The following MUC7 variants were observed in gnomAD, a reference collection of about 807,000 sequenced individuals.
MUC7 encodes mucin 7, secreted.
Under a neutral mutation model 2.5 loss-of-function variants are expected in MUC7, and 2 were observed. The ratio of observed to expected loss-of-function variants is 0.81; its 90% CI spans 0.33 to 2.55. MUC7 has a LOEUF of 2.55. Among genes scored for constraint, MUC7 ranks in the 30% most tolerant of loss-of-function variants. The pLI, the probability that MUC7 is intolerant of heterozygous loss-of-function variation, is 0.11. For synonymous variants in MUC7, 133 were observed against 173.4 expected (o/e 0.77, Z 1.83); for missense variants, 408 against 455.6 (o/e 0.90, Z 0.95).
At chr4:70,433,914 A>C (rs953369109) in intron 1 of MUC7, among the ~76,000 whole-genome samples, 2 of 152,202 alleles carry the variant, frequency 1.3e-5, no homozygotes, top group Non-Finnish European at 2.9e-5. Context: ...TACCTAGTTT[A>C]CTGAGAGTTT....
intron 2 of MUC7, among the ~76,000 whole-genome samples, chr4:70,480,465 C>T (rs898812733): frequency 6.6e-6 from 1 of 152,126 alleles, no homozygotes; most frequent in Non-Finnish European, 1.5e-5. Context: ...GTGATGGGAC[C>T]TCAGGCAGTA....
intron 2 of MUC7, among the ~76,000 whole-genome samples, chr4:70,475,033 C>A (rs558467007): frequency 1.3e-5 from 2 of 152,238 alleles, no homozygotes; most frequent in East Asian, 1.9e-4. Context: ...AGTCCCAGCA[C>A]TTTCGGAGGC....
chr4:70,482,032 A>T lies in MUC7; in HGVS notation c.*154A>T. 1.0e-6 allele frequency: 1 copy of T among 966,968 alleles called. No individual in the cohort carries two copies. The highest frequency in any genetic ancestry group is 1.5e-6 in the Non-Finnish European group (1 of 672,196). The allele number at this position is 966,968 out of a possible 1,614,324, so 59.9% of individuals were successfully genotyped here. On this transcript the variant is annotated 3_prime_UTR_variant, in exon 3 of 3. Transcript: ENST00000304887. ...TCTTTCAATCTAATTATTCACCACC[A>T]CAAGACCTATTAACAAGACAAAATG...
At chr4:70,477,934 C>T (rs977639302) in intron 2 of MUC7, among the ~76,000 whole-genome samples, 4 of 152,230 alleles carry the variant, frequency 2.6e-5, no homozygotes, top group African/African-American at 9.6e-5. Flanking sequence ...TAAGGACCTC[C>T]ATACTTCAGT....
chr4:70,475,293 GAA>G (rs1734964511), intron 2 of MUC7, among the ~76,000 whole-genome samples: 1 of 151,942 alleles, frequency 6.6e-6, no homozygotes, highest in African/African-American at 2.4e-5. Context: ...GAAAAAAAAA[GAA>G]AGAAATGAAC....
intron 2 of MUC7, among the ~76,000 whole-genome samples, chr4:70,478,169 A>G (rs920190350): frequency 6.6e-6 from 1 of 152,220 alleles, no homozygotes; most frequent in African/African-American, 2.4e-5. Context: ...CCTTCATATA[A>G]AAATGTGGTA....
chr4:70,476,961 T>C (rs1177930585), intron 2 of MUC7, among the ~76,000 whole-genome samples: 2 of 152,182 alleles, frequency 1.3e-5, no homozygotes, highest in Non-Finnish European at 2.9e-5. Flanking sequence ...CTTGAAGGGA[T>C]GTATTCTGGA....
At position 70,480,929 on chromosome 4, in the gene MUC7, C is replaced by T. The variant is rs780020009; in HGVS notation, c.185C>T (p.Ser62Phe). ...CACCAGAAGCCGTTCATTAGAAAGTCCTATAAATGTCTGCACAAACGCTGT... is the reference window on the plus strand; with the variant it reads ...CACCAGAAGCCGTTCATTAGAAAGTTCTATAAATGTCTGCACAAACGCTGT... Reference protein sequence around the residue: ...LAHQKPFIRKSYKCLHKRCRP... With the variant: ...LAHQKPFIRKFYKCLHKRCRP... Residue 62 changes from serine to phenylalanine, a missense_variant, in exon 3 of 3, where the codon TCC becomes TTC. This residue lies in a region of MUC7 where 225 missense variants were observed against 240.5 expected (regional missense o/e 0.94). Transcript: ENST00000304887. 4 of 1,614,116 alleles carry T rather than the reference C, an allele frequency of 2.5e-6. No homozygotes were observed. The highest frequency in any genetic ancestry group is 3.4e-6 in the Non-Finnish European group (4 of 1,180,022).
upstream of MUC7, among the ~76,000 whole-genome samples, chr4:70,470,548 G>T (rs181976603): frequency 6.6e-6 from 1 of 151,982 alleles, no homozygotes; most frequent in African/African-American, 2.4e-5. Context: ...TTATCTCCAG[G>T]CATTATTTAG....
chr4:70,480,571 T>C (rs1022742982), intron 2 of MUC7, among the ~76,000 whole-genome samples: 29 of 151,888 alleles, frequency 1.9e-4, no homozygotes, highest in Non-Finnish European at 2.1e-4. Context: ...CAGGAATATA[T>C]TCATCCCAGC....
intron 1 of MUC7, among the ~76,000 whole-genome samples, chr4:70,432,060 C>T (rs1428182782): frequency 6.6e-6 from 1 of 152,200 alleles, no homozygotes; most frequent in African/African-American, 2.4e-5. Flanking sequence ...ATCCATGTGC[C>T]TACAAAAGAC....
intron 2 of MUC7, among the ~76,000 whole-genome samples, chr4:70,480,296 G>T (rs1245179569): frequency 6.6e-6 from 1 of 152,182 alleles, no homozygotes; most frequent in Non-Finnish European, 1.5e-5. Flanking sequence ...ATGAAGCCGG[G>T]GTGGGATATT....
chr4:70,460,633 G>A (rs1343291337), intron 1 of MUC7, among the ~76,000 whole-genome samples: 2 of 151,992 alleles, frequency 1.3e-5, no homozygotes, highest in Non-Finnish European at 2.9e-5. Flanking sequence ...TGTCCTGGGG[G>A]CCATCTTTTT....
At chr4:70,449,114 C>T (rs1022157102) in intron 1 of MUC7, among the ~76,000 whole-genome samples, 1 of 152,086 alleles carries the variant, frequency 6.6e-6, no homozygotes, top group African/African-American at 2.4e-5. Context: ...GTAATACTGA[C>T]CTCATAAAAT....
At chr4:70,480,754 A>G in intron 2 of MUC7, 45 bp from the exon 3 acceptor site, 1 of 1,587,658 alleles carries the variant, frequency 6.3e-7, no homozygotes, top group Non-Finnish European at 8.6e-7. Flanking sequence ...CTGATTGATA[A>G]ATGGATACTT....
intron 1 of MUC7, among the ~76,000 whole-genome samples, chr4:70,463,228 C>A (rs781653147): frequency 9.2e-5 from 14 of 152,098 alleles, no homozygotes; most frequent in Non-Finnish European, 2.1e-4. Context: ...AATATTGACA[C>A]AACAGAAGCT....
intron 2 of MUC7, among the ~76,000 whole-genome samples, chr4:70,477,701 T>C (rs1272492579): frequency 6.6e-6 from 1 of 152,186 alleles, no homozygotes; most frequent in East Asian, 1.9e-4. Context: ...AGTTACTTAG[T>C]CTGAGACTCA....
At chr4:70,449,444 A>G (rs575975588) in intron 1 of MUC7, among the ~76,000 whole-genome samples, 2 of 152,318 alleles carry the variant, frequency 1.3e-5, no homozygotes, top group South Asian at 4.1e-4. Context: ...CAGTATGGGG[A>G]AAACCACCCC....
chr4:70,452,840 AAAG>A (rs1304618919), intron 1 of MUC7, among the ~76,000 whole-genome samples: 2 of 152,176 alleles, frequency 1.3e-5, no homozygotes, highest in African/African-American at 4.8e-5. Flanking sequence ...CTTTCAGATC[AAAG>A]AATTCCCTTT....
Sources: gnomAD v4.1 joint callset for allele counts (sites outside exome capture counted in the v4.1 genomes callset) on GRCh38, gnomAD v4.1.1 for gene constraint, gnomAD v4.1.1 regional missense constraint, MANE v1.5 for transcripts, NCBI Gene and HGNC (gene_info 2026-07-23, HGNC 2026-07-21) for gene names.